The following CNTNAP2 variants were observed in gnomAD, a reference collection of about 807,000 sequenced individuals.
CNTNAP2 encodes the protein contactin-associated protein-like 2.
A neutral mutation model predicts 155.2 loss-of-function variants in CNTNAP2; 98 were observed. The observed-to-expected ratio is 0.63, with a 90% CI of 0.54 to 0.75. The LOEUF is 0.75. CNTNAP2 is among the 30% of genes least tolerant of loss of function. CNTNAP2 has a pLI of 0.00. For missense variants in CNTNAP2, 1,727 were observed against 1,688.1 expected (o/e 1.02, Z -0.40); for synonymous variants, 651 against 631.2 (o/e 1.03, Z -0.47).
chr7:146,769,475 T>C (rs1802256074), intron 1 of CNTNAP2, among the ~76,000 whole-genome samples: 3 of 152,206 alleles, frequency 2.0e-5, no homozygotes, highest in Admixed American at 6.5e-5. Context: ...TATATTGTAA[T>C]AGTCAGTATG....
At chr7:146,371,377 T>G (rs942498649) in intron 1 of CNTNAP2, among the ~76,000 whole-genome samples, 1 of 140,644 alleles carries the variant, frequency 7.1e-6, no homozygotes, top group East Asian at 2.0e-4. Flanking sequence ...TTTTTTTTTT[T>G]TTTTTTTTTG....
intron 1 of CNTNAP2, among the ~76,000 whole-genome samples, chr7:146,598,535 T>G (rs1343040333): frequency 6.6e-6 from 1 of 152,124 alleles, no homozygotes; most frequent in Admixed American, 6.6e-5. Flanking sequence ...GGTTTTCACA[T>G]GGCTCAGTCC....
rs148246131 is a variant in CNTNAP2, at chr7:148,001,266, C to G, written c.2383+23277C>G. On this transcript the variant is annotated intron_variant, in intron 15 of 23. Coordinates refer to ENST00000361727, the MANE Select transcript of CNTNAP2 (RefSeq NM_014141.6). ...GGATCTACTGGAAAGCTTCTCAGCT[C>G]TTGGAGCCCCACAACTGTGTCTCCT... is the stretch of plus-strand genomic sequence containing the variant. 4.7e-3 allele frequency among the ~76,000 whole-genome samples: 721 copies of G among 152,318 alleles called. 5 individuals are homozygous for G. The highest frequency in any genetic ancestry group is 0.016 in the African/African-American group (678 of 41,570).
At chr7:148,179,631 GAGAA>G (rs1795001582) in intron 18 of CNTNAP2, among the ~76,000 whole-genome samples, 1 of 132,244 alleles carries the variant, frequency 7.6e-6, no homozygotes, top group African/African-American at 3.1e-5. Context: ...GAAGGAAGGA[GAGAA>G]AGAGAGAAAG....
At chr7:147,486,966 G>T (rs1436200223) in intron 11 of CNTNAP2, among the ~76,000 whole-genome samples, 2 of 150,196 alleles carry the variant, frequency 1.3e-5, no homozygotes, top group Non-Finnish European at 3.0e-5. Flanking sequence ...CTCTCAATAT[G>T]CCCAAACACT....
chr7:147,226,149 G>A (rs911908590), intron 8 of CNTNAP2, among the ~76,000 whole-genome samples: 1 of 152,024 alleles, frequency 6.6e-6, no homozygotes, highest in African/African-American at 2.4e-5. Flanking sequence ...AAGCCCAAAC[G>A]GCCTTATCTG....
intron 3 of CNTNAP2, among the ~76,000 whole-genome samples, chr7:146,891,331 T>C (rs947426442): frequency 5.9e-5 from 9 of 152,156 alleles, no homozygotes; most frequent in African/African-American, 2.2e-4. Context: ...GGATCATTTG[T>C]ACCCCCAACT....
At chr7:147,829,923 C>T (rs759121001) in intron 13 of CNTNAP2, among the ~76,000 whole-genome samples, 19 of 152,148 alleles carry the variant, frequency 1.2e-4, no homozygotes, top group Non-Finnish European at 2.2e-4. Context: ...GTGAATCCCA[C>T]GGAGTCCCTG....
intron 3 of CNTNAP2, among the ~76,000 whole-genome samples, chr7:147,009,098 T>G (rs1241631022): frequency 6.6e-6 from 1 of 152,090 alleles, no homozygotes; most frequent in South Asian, 2.1e-4. Context: ...ATCTAGATTA[T>G]GCATATATAG....
At chr7:146,978,508 G>T (rs1407820378) in intron 3 of CNTNAP2, among the ~76,000 whole-genome samples, 1 of 152,134 alleles carries the variant, frequency 6.6e-6, no homozygotes, top group Non-Finnish European at 1.5e-5. Flanking sequence ...AAGGCACTGT[G>T]AGTCTAGCCT....
intron 13 of CNTNAP2, among the ~76,000 whole-genome samples, chr7:147,710,652 A>G (rs1421293064): frequency 6.6e-6 from 1 of 152,184 alleles, no homozygotes; most frequent in East Asian, 1.9e-4. Flanking sequence ...TTAGAACTAT[A>G]ATCCTATATT....
At chr7:147,375,038 T>C (rs1265074991) in intron 9 of CNTNAP2, among the ~76,000 whole-genome samples, 1 of 151,946 alleles carries the variant, frequency 6.6e-6, no homozygotes. Flanking sequence ...TGAGATCTGA[T>C]GGTTTTATCA....
At chr7:146,609,049 A>G (rs1289254366) in intron 1 of CNTNAP2, among the ~76,000 whole-genome samples, 3 of 152,174 alleles carry the variant, frequency 2.0e-5, no homozygotes, top group Non-Finnish European at 4.4e-5. Flanking sequence ...ATACTTGGAG[A>G]CACTCAAGGA....
chr7:146,513,797 T>C (rs998166137), intron 1 of CNTNAP2, among the ~76,000 whole-genome samples: 1 of 151,964 alleles, frequency 6.6e-6, no homozygotes, highest in Non-Finnish European at 1.5e-5. Flanking sequence ...CATTAAGATG[T>C]TGTTTAACTG....
At chr7:147,815,070 T>G (rs941292009) in intron 13 of CNTNAP2, among the ~76,000 whole-genome samples, 1 of 152,112 alleles carries the variant, frequency 6.6e-6, no homozygotes, top group African/African-American at 2.4e-5. Context: ...ATAACTCAGA[T>G]AGTCTGCAGT....
intron 1 of CNTNAP2, among the ~76,000 whole-genome samples, chr7:146,283,779 A>G (rs375532140): frequency 1.3e-5 from 2 of 152,208 alleles, no homozygotes; most frequent in Non-Finnish European, 2.9e-5. Flanking sequence ...CATATGTCAC[A>G]TGATCATATT....
At chr7:146,833,944 G>A (rs1191101128) in intron 2 of CNTNAP2, among the ~76,000 whole-genome samples, 1 of 152,148 alleles carries the variant, frequency 6.6e-6, no homozygotes, top group Admixed American at 6.5e-5. Flanking sequence ...TAAAAATACA[G>A]TGTATTTGAA....
intron 1 of CNTNAP2, among the ~76,000 whole-genome samples, chr7:146,659,745 G>A (rs1800055468): frequency 6.6e-6 from 1 of 152,202 alleles, no homozygotes; most frequent in Non-Finnish European, 1.5e-5. Flanking sequence ...CATGAGGTGG[G>A]AAACGAACAT....
intron 15 of CNTNAP2, among the ~76,000 whole-genome samples, chr7:147,983,932 G>C (rs997757390): frequency 6.6e-6 from 1 of 152,116 alleles, no homozygotes; most frequent in African/African-American, 2.4e-5. Flanking sequence ...GGCCTGGAAG[G>C]GGAAAGATCT....
Sources: allele counts gnomAD v4.1 joint callset (sites outside exome capture counted in the v4.1 genomes callset), GRCh38; gene constraint gnomAD v4.1.1; transcripts MANE v1.5; gene names NCBI Gene and HGNC (gene_info 2026-07-23, HGNC 2026-07-21).